The following SLC23A2 variants were observed in gnomAD, a reference collection of about 807,000 sequenced individuals.
The protein encoded by SLC23A2 is Na(+)/L-ascorbic acid transporter 2.
SLC23A2 carries 36 observed loss-of-function variants against 73.3 expected under a neutral mutation model. That is an observed-to-expected ratio of 0.49 (90% CI 0.38 to 0.65). The LOEUF (loss-of-function observed/expected upper bound fraction) is 0.65. SLC23A2 is among the 30% of genes least tolerant of loss of function. The pLI is 0.00. For missense variants in SLC23A2, 507 were observed against 841.6 expected (o/e 0.60, Z 4.92); for synonymous variants, 343 against 327.3 (o/e 1.05, Z -0.52).
chr20:4,989,331 G>T (rs531626728), intron 1 of SLC23A2, among the ~76,000 whole-genome samples: 1 of 151,928 alleles, frequency 6.6e-6, no homozygotes, highest in South Asian at 2.1e-4. Context: ...AGTATTCCTT[G>T]TATAAAATGC....
At position 4,856,964 on chromosome 20, in the gene SLC23A2, A is replaced by G; in HGVS notation, c.*8T>C. 6.2e-7 allele frequency: 1 copy of G among 1,600,240 alleles called. No individual in the cohort carries two copies. Among genetic ancestry groups the G allele is most frequent in the Non-Finnish European group, 8.6e-7 (1 of 1,168,076 alleles). The stretch of plus-strand genomic sequence containing the variant: ...TCACTGCGGCCAGGCCACAGGGCAC[A>G]GCAAAGGCTATCCCGTGGCCTGGGA... On this transcript the variant is annotated 3_prime_UTR_variant, in exon 17 of 17. Coordinates refer to ENST00000338244, the MANE Select transcript of SLC23A2 (RefSeq NM_005116.6). The surrounding 1 kb of genome is among the most constrained non-coding windows in gnomAD (Gnocchi z 4.6).
At chr20:4,988,400 C>T (rs1045003428) in intron 1 of SLC23A2, among the ~76,000 whole-genome samples, 2 of 151,882 alleles carry the variant, frequency 1.3e-5, no homozygotes, top group Admixed American at 6.6e-5. Context: ...GTCAGGAGTT[C>T]GAGATCAGCC....
At chr20:4,973,999 TA>T (rs1308631055) in intron 1 of SLC23A2, among the ~76,000 whole-genome samples, 1 of 152,204 alleles carries the variant, frequency 6.6e-6, no homozygotes, top group Non-Finnish European at 1.5e-5. Flanking sequence ...CTATGTTATT[TA>T]ACATCTACCA....
chr20:5,005,865 A>G (rs1434494275), upstream of SLC23A2, among the ~76,000 whole-genome samples: 2 of 151,994 alleles, frequency 1.3e-5, no homozygotes, highest in Non-Finnish European at 2.9e-5. Context: ...GCATGCCTGT[A>G]GTCCCAGCTA....
At chr20:4,901,829 TTC>T (rs1215856927) in intron 5 of SLC23A2, among the ~76,000 whole-genome samples, 1 of 152,110 alleles carries the variant, frequency 6.6e-6, no homozygotes, top group Non-Finnish European at 1.5e-5. Flanking sequence ...GAAAATTAAT[TTC>T]TCTTTTCTCT....
chr20:4,908,949 A>G (rs551761869), intron 4 of SLC23A2, among the ~76,000 whole-genome samples: 1 of 152,332 alleles, frequency 6.6e-6, no homozygotes, highest in Non-Finnish European at 1.5e-5. Context: ...ATTGTACTGA[A>G]GTTATAAAAC....
chr20:4,999,544 C>T (rs1237643452), intron 1 of SLC23A2, among the ~76,000 whole-genome samples: 2 of 148,020 alleles, frequency 1.4e-5, no homozygotes, highest in African/African-American at 2.6e-5. Context: ...AAGCTGGCCG[C>T]CATACTCAGC....
At chr20:4,906,274 G>C (rs1276316335) in intron 4 of SLC23A2, among the ~76,000 whole-genome samples, 3 of 152,124 alleles carry the variant, frequency 2.0e-5, no homozygotes, top group Admixed American at 2.0e-4. Context: ...GAGAGGTTGC[G>C]GCTGCAGTGA....
At chr20:4,920,438 CA>C (rs1568624801) in intron 3 of SLC23A2, among the ~76,000 whole-genome samples, 2 of 152,158 alleles carry the variant, frequency 1.3e-5, no homozygotes, top group Non-Finnish European at 2.9e-5. Flanking sequence ...CCCTCTGACT[CA>C]AAAATCTCAC....
intron 2 of SLC23A2, among the ~76,000 whole-genome samples, chr20:4,966,809 TACACACACACACACACAC>T (rs56931121): frequency 1.6e-4 from 18 of 109,822 alleles, no homozygotes; most frequent in African/African-American, 4.9e-4. Context: ...TTGATAGTTT[TACACACACACACACACAC>T]ACACACACAC....
intron 4 of SLC23A2, among the ~76,000 whole-genome samples, chr20:4,906,576 T>C (rs1319917133): frequency 2.6e-5 from 4 of 152,092 alleles, no homozygotes; most frequent in Admixed American, 2.6e-4. Flanking sequence ...GCCAAGATCG[T>C]GCCACTGCAC....
At chr20:4,986,310 A>G (rs1050887261) in intron 1 of SLC23A2, among the ~76,000 whole-genome samples, 9 of 152,050 alleles carry the variant, frequency 5.9e-5, no homozygotes, top group African/African-American at 2.2e-4. Flanking sequence ...AAAAAGAAAA[A>G]ACAAAGGTTA....
intron 1 of SLC23A2, among the ~76,000 whole-genome samples, chr20:4,980,284 A>G (rs934168327): frequency 2.0e-5 from 3 of 152,152 alleles, no homozygotes; most frequent in Non-Finnish European, 4.4e-5. Flanking sequence ...TTTAGGTACA[A>G]TGCTGTTCAC....
intron 15 of SLC23A2, among the ~76,000 whole-genome samples, chr20:4,861,453 A>T (rs1221018689): frequency 1.3e-5 from 2 of 152,230 alleles, no homozygotes; most frequent in Admixed American, 1.3e-4. Context: ...CTATGTCTTG[A>T]GACGGTTCTT....
At chr20:4,879,209 C>A (rs1479444366) in intron 9 of SLC23A2, among the ~76,000 whole-genome samples, 1 of 151,810 alleles carries the variant, frequency 6.6e-6, no homozygotes, top group Non-Finnish European at 1.5e-5. Flanking sequence ...GAGTTTGAGA[C>A]CAGTCTGGCC....
chr20:4,897,553 G>T (rs998811357), intron 6 of SLC23A2, among the ~76,000 whole-genome samples: 3 of 152,140 alleles, frequency 2.0e-5, no homozygotes, highest in Admixed American at 1.3e-4. Context: ...ATCCCAGTAG[G>T]GTGTCAAATC....
chr20:4,998,336 A>G lies in SLC23A2; in HGVS notation c.-282+3070T>C, dbSNP rs887088406. On this transcript the variant is annotated intron_variant, in intron 1 of 16. Coordinates refer to ENST00000338244, the MANE Select transcript of SLC23A2 (RefSeq NM_005116.6). This position sits in a 1 kb window ranked among gnomAD's most constrained non-coding sequence, Gnocchi z 4.1. The stretch of plus-strand genomic sequence containing the variant: ...CAGCACAGATCAGGCACTCAATGTA[A>G]TAAATGTATGAAAGGCCTATGAAAG... Among the ~76,000 whole-genome samples the G allele has an allele frequency of 3.9e-5, 6 of 152,210 alleles. No individual in the cohort carries two copies. The highest frequency in any genetic ancestry group is 1.4e-4 in the African/African-American group (6 of 41,470).
chr20:4,888,516 G>A (rs2122840105), intron 6 of SLC23A2, among the ~76,000 whole-genome samples: 1 of 152,282 alleles, frequency 6.6e-6, no homozygotes, highest in South Asian at 2.1e-4. Context: ...ACTTTGACAT[G>A]ACGAGATCCC....
chr20:4,936,263 G>A (rs1191670959), intron 2 of SLC23A2, among the ~76,000 whole-genome samples: 3 of 152,172 alleles, frequency 2.0e-5, no homozygotes, highest in Non-Finnish European at 4.4e-5. Context: ...CCTCTGCCTT[G>A]AGACCACCAG....
Sources: allele counts gnomAD v4.1 joint callset (sites outside exome capture counted in the v4.1 genomes callset), GRCh38; gene constraint gnomAD v4.1.1; non-coding constraint Gnocchi (gnomAD v3.1); transcripts MANE v1.5; gene names NCBI Gene and HGNC (gene_info 2026-07-23, HGNC 2026-07-21).